The following TCTN2 variants were observed in gnomAD, a reference collection of about 807,000 sequenced individuals.
TCTN2 encodes the protein tectonic family member 2, also known as tectonic-2.
A neutral mutation model predicts 83.4 loss-of-function variants in TCTN2; 66 were observed. The observed-to-expected ratio is 0.79, with a 90% CI of 0.65 to 0.97. TCTN2 has a LOEUF of 0.97. TCTN2 is among the 50% of genes least tolerant of loss of function. The probability of loss-of-function intolerance (pLI) is 0.00; values close to 1 mark genes in which losing one functional copy is unlikely to be tolerated. For missense variants in TCTN2, 794 were observed against 858.1 expected, an observed-to-expected ratio of 0.93 and a Z score of 0.93; for synonymous variants, 301 against 326.7, an observed-to-expected ratio of 0.92 and a Z score of 0.85.
chr12:123,673,544 G>A (rs920810757), intron 3 of TCTN2, 71 bp from the exon 4 acceptor site: 3 of 1,470,978 alleles, frequency 2.0e-6, no homozygotes, highest in African/African-American at 2.8e-5. Context: ...CTTTTATTGT[G>A]TTTTCCATTA....
intron 4 of TCTN2, among the ~76,000 whole-genome samples, chr12:123,678,213 A>G (rs1593836418): frequency 6.6e-6 from 1 of 152,194 alleles, no homozygotes. Flanking sequence ...GTTGGGTACC[A>G]CAGCCACGAA....
chr12:123,707,704 C>G lies in TCTN2; in HGVS notation c.2085C>G (p.Ala695=), dbSNP rs950593517. 7 of 1,613,658 alleles carry G rather than the reference C, an allele frequency of 4.3e-6. No homozygotes were observed. The highest frequency in any genetic ancestry group is 3.4e-6 in the Non-Finnish European group (4 of 1,179,622). ...ACCCCTGGACCAGAATATGCAAAGC[C>G]TATAGTTAGACAACCACCTGGCTTT... ...LSNPWTRICK[A]YS The change falls in exon 18 of 18, where the codon GCC becomes GCG. Residue 695 remains alanine, a synonymous_variant. Coordinates refer to ENST00000303372, the MANE Select transcript of TCTN2 (RefSeq NM_024809.5).
chr12:123,692,606 C>A, intron 8 of TCTN2, 52 bp from the exon 9 acceptor site: 1 of 1,382,722 alleles, frequency 7.2e-7, no homozygotes, highest in Non-Finnish European at 1.0e-6. Flanking sequence ...TAAGTGTGAT[C>A]ATGGTAGGCC....
At chr12:123,691,315 C>T (rs1956038382) in intron 8 of TCTN2, among the ~76,000 whole-genome samples, 1 of 152,176 alleles carries the variant, frequency 6.6e-6, no homozygotes, top group Non-Finnish European at 1.5e-5. Flanking sequence ...ACCCCTCTTC[C>T]CTCAGCTCCT....
intron 7 of TCTN2, among the ~76,000 whole-genome samples, chr12:123,689,592 T>A (rs1427122625): frequency 6.6e-6 from 1 of 152,166 alleles, no homozygotes; most frequent in Non-Finnish European, 1.5e-5. Context: ...GGTTTTGTTG[T>A]ACAGATTATT....
At chr12:123,690,254 C>T (rs1956024993) in intron 7 of TCTN2, among the ~76,000 whole-genome samples, 1 of 152,182 alleles carries the variant, frequency 6.6e-6, no homozygotes, top group African/African-American at 2.4e-5. Context: ...TAAATATAGT[C>T]ATGTCTCTGC....
chr12:123,688,296 A>G (rs1289751870), intron 7 of TCTN2, 119 bp downstream of exon 7: 3 of 1,303,632 alleles, frequency 2.3e-6, no homozygotes, highest in Non-Finnish European at 3.1e-6. Flanking sequence ...GCTCACTGCA[A>G]CCTCTGCCTC....
intron 11 of TCTN2, 132 bp from the exon 12 acceptor site, chr12:123,696,283 C>T (rs1956107372): frequency 6.7e-6 from 5 of 741,162 alleles, no homozygotes; most frequent in Non-Finnish European, 1.2e-5. Context: ...TGCCATCTTT[C>T]TCTCAAGGGT....
intron 4 of TCTN2, among the ~76,000 whole-genome samples, chr12:123,675,651 AGT>A (rs1399295637): frequency 6.6e-6 from 1 of 152,214 alleles, no homozygotes; most frequent in Non-Finnish European, 1.5e-5. Flanking sequence ...GGCTGCCTAC[AGT>A]GTGCTATCTT....
In TCTN2 at chr12:123,695,540, G is replaced by A. The variant is rs930641131; in HGVS notation, c.1312+243G>A. ...GGGTTCAAGAGATTTTCTTGCCTCA[G>A]CCTCCTGAGTAGCTGGGATTACAGG... On this transcript the variant is annotated intron_variant, in intron 11 of 17. Transcript: ENST00000303372. The A allele has an allele frequency of 7.8e-6, 3 of 384,056 alleles. No homozygotes were observed. In the East Asian group the frequency reaches 1.6e-4, roughly 20 times the overall value. The allele number at this position is 384,056 out of a possible 1,614,324, so 23.8% of individuals were successfully genotyped here.
At chr12:123,679,129 G>A (rs747789550) in intron 4 of TCTN2, 60 bp from the exon 5 acceptor site, 2 of 1,446,948 alleles carry the variant, frequency 1.4e-6, no homozygotes, top group Non-Finnish European at 1.9e-6. Flanking sequence ...TGTCAAAAAT[G>A]TGACTGTGCT....
chr12:123,684,774 G>A (rs540263843), intron 5 of TCTN2, among the ~76,000 whole-genome samples: 22 of 152,064 alleles, frequency 1.4e-4, no homozygotes, highest in African/African-American at 4.3e-4. Flanking sequence ...TACAGCGGCC[G>A]GGCACGGTGG....
At chr12:123,693,080 G>A (rs1956064587) in intron 9 of TCTN2, among the ~76,000 whole-genome samples, 1 of 130,908 alleles carries the variant, frequency 7.6e-6, no homozygotes, top group South Asian at 2.4e-4. Context: ...AGGCTGGAGT[G>A]CAATGGCATG....
Position 123,707,058 on chromosome 12 carries a change from A to G in TCTN2, c.1969A>G (p.Thr657Ala), listed in dbSNP as rs987238961. The G allele has an allele frequency of 6.2e-7, 1 of 1,613,130 alleles. No homozygotes were observed. Among genetic ancestry groups the G allele is most frequent in the African/African-American group, 1.3e-5 (1 of 74,940 alleles). The change falls in exon 17 of 18, where the codon ACT becomes GCT. Residue 657 changes from threonine (T) to alanine (A), a missense_variant. Transcript: ENST00000303372. Reference sequence around the variant, plus strand: ...TTGGCCGCAGCTTCTATATCCATGGACTCAGTATTATCAAGGTAGGGTGAA... The same window carrying G: ...TTGGCCGCAGCTTCTATATCCATGGGCTCAGTATTATCAAGGTAGGGTGAA... ...VCWPQLLYPW[T>A]QYYQGELHSQ...
At chr12:123,696,897 C>G (rs1956115762) in intron 12 of TCTN2, 190 bp from the exon 13 acceptor site, 1 of 587,994 alleles carries the variant, frequency 1.7e-6, no homozygotes, top group African/African-American at 1.9e-5. Flanking sequence ...AACCACCGCT[C>G]AGGATCTGAG....
At position 123,708,003 on chromosome 12, in the gene TCTN2, C is replaced by G. The variant is rs886531596; in HGVS notation, c.*290C>G. The G allele has an allele frequency of 1.8e-5, 6 of 328,660 alleles. No homozygotes were observed. Among genetic ancestry groups the G allele is most frequent in the African/African-American group, 2.3e-5 (1 of 44,396 alleles). The allele number at this position is 328,660 out of a possible 1,614,324, so 20.4% of individuals were successfully genotyped here. A position where few individuals can be genotyped will look rare whatever the true frequency, so the allele number is the denominator to read the frequency against. On this transcript the variant is annotated 3_prime_UTR_variant, in exon 18 of 18. Transcript: ENST00000303372. ...GATTACAGGCATGAGCCACCGCACC[C>G]GGCCTTTTTTTTTTTTTTTTTTTTT...
At chr12:123,703,235 C>T (rs1956192863) in intron 14 of TCTN2, among the ~76,000 whole-genome samples, 1 of 150,156 alleles carries the variant, frequency 6.7e-6, no homozygotes, top group Admixed American at 6.7e-5. Flanking sequence ...TGCTGGAGTG[C>T]AGTGGCATGA....
intron 15 of TCTN2, among the ~76,000 whole-genome samples, chr12:123,705,450 C>G (rs550352596): frequency 1.3e-5 from 2 of 152,216 alleles, no homozygotes; most frequent in Admixed American, 6.5e-5. Flanking sequence ...CATGAGCCAC[C>G]GCGCCCAGCC....
In TCTN2 at chr12:123,687,760, C is replaced by T. The variant is rs12829984; in HGVS notation, c.765-291C>T. Among the ~76,000 whole-genome samples the T allele has an allele frequency of 0.36, 54,480 of 151,742 alleles. 10,262 individuals carry two copies. The highest frequency in any genetic ancestry group is 0.41 in the African/African-American group (17,021 of 41,330). On this transcript the variant is annotated intron_variant, in intron 6 of 17. Coordinates refer to ENST00000303372, the MANE Select transcript of TCTN2 (RefSeq NM_024809.5). ...GGGTGATCACCTGAGGTTGGGAGTT[C>T]AAGACGAGCCTGGGTACGTGGTGAA...
Sources: gnomAD v4.1 joint callset for allele counts (sites outside exome capture counted in the v4.1 genomes callset) on GRCh38, gnomAD v4.1.1 for gene constraint, MANE v1.5 for transcripts, NCBI Gene and HGNC (gene_info 2026-07-23, HGNC 2026-07-21) for gene names.